VSIG10: variants seen among roughly 807,000 people sequenced by gnomAD.
VSIG10 encodes the protein V-set and immunoglobulin domain-containing protein 10.
A neutral mutation model predicts 58.7 loss-of-function variants in VSIG10; 48 were observed. The observed-to-expected ratio is 0.82, with a 90% CI of 0.65 to 1.04. VSIG10 has a LOEUF of 1.04. Ranked by LOEUF, VSIG10 falls within the 50% of genes least tolerant of loss-of-function variation. The pLI is 0.00. For synonymous variants in VSIG10, 260 were observed against 267.1 expected, an observed-to-expected ratio of 0.97 and a Z score of 0.26; for missense variants, 628 against 670.0, an observed-to-expected ratio of 0.94 and a Z score of 0.69.
intron 2 of VSIG10, among the ~76,000 whole-genome samples, chr12:118,087,250 T>G (rs962907142): frequency 6.6e-6 from 1 of 152,000 alleles, no homozygotes; most frequent in Non-Finnish European, 1.5e-5. Flanking sequence ...GGATGAGTGA[T>G]GAAATCACAC....
intron 3 of VSIG10, 89 bp downstream of exon 3, chr12:118,082,038 A>AAT: frequency 8.3e-6 from 10 of 1,197,692 alleles, no homozygotes; most frequent in South Asian, 1.8e-5. Context: ...AAAAAAAAAA[A>AAT]GACAAATGGG....
At chr12:118,068,705 G>T in intron 7 of VSIG10, 108 bp from the exon 8 acceptor site, 1 of 1,320,858 alleles carries the variant, frequency 7.6e-7, no homozygotes, top group Non-Finnish European at 1.0e-6. Context: ...TAGTAATATG[G>T]AAAATTACAG....
Position 118,071,434 on chromosome 12 carries a change from C to T in VSIG10, c.1255G>A (p.Val419Met). Reference sequence around the variant, plus strand: ...GCCAGTCCCAGCAGAAGGAGGCTCACAATGGTTCCCACAATCCCCCCGATA... The same window carrying T: ...GCCAGTCCCAGCAGAAGGAGGCTCATAATGGTTCCCACAATCCCCCCGATA... Reference protein sequence around the residue: ...LNIGGIVGTIVSLLLLGLAII... With the variant: ...LNIGGIVGTIMSLLLLGLAII... The change falls in exon 6 of 9, where the codon GTG (valine) becomes ATG (methionine). Residue 419 changes from valine to methionine, a missense_variant. Val to Met is a conservative substitution (Grantham distance 21, BLOSUM62 1). Transcript: ENST00000359236. 1 of 1,613,892 alleles carries T rather than the reference C, an allele frequency of 6.2e-7. No individual in the cohort carries two copies. The highest frequency in any genetic ancestry group is 1.6e-4 in the Middle Eastern group (1 of 6,062).
At chr12:118,074,487 T>C (rs1244934874) in intron 4 of VSIG10, among the ~76,000 whole-genome samples, 7 of 151,698 alleles carry the variant, frequency 4.6e-5, no homozygotes, top group African/African-American at 1.7e-4. Flanking sequence ...AACAATTTTT[T>C]TTTTTTTTTG....
chr12:118,085,893 A>C (rs1160683665), intron 2 of VSIG10, among the ~76,000 whole-genome samples: 2 of 150,488 alleles, frequency 1.3e-5, no homozygotes, highest in Non-Finnish European at 2.9e-5. Context: ...ATGATGGCTC[A>C]CGCCTGTAAT....
chr12:118,074,211 C>A (rs1282903038), intron 4 of VSIG10, among the ~76,000 whole-genome samples: 1 of 151,748 alleles, frequency 6.6e-6, no homozygotes, highest in African/African-American at 2.4e-5. Flanking sequence ...CTCAGCCTCC[C>A]GAGCTGGGAT....
chr12:118,073,666 C>CGG, intron 5 of VSIG10, 33 bp downstream of exon 5: 1 of 1,552,034 alleles, frequency 6.4e-7, no homozygotes, highest in Non-Finnish European at 8.8e-7. Context: ...AGCTCTGAAC[C>CGG]CTCCCTCCTT....
rs976081796 is a variant in VSIG10, at chr12:118,065,912, C to T, written c.*727G>A. On this transcript the variant is annotated 3_prime_UTR_variant, in exon 9 of 9. Transcript: ENST00000359236. The stretch of plus-strand genomic sequence containing the variant: ...GATGTAGCTTTCCAAGCTTTCAGAA[C>T]GAGACAATAATAAGTGAGCAGCTTC... 2.0e-5 allele frequency: 3 copies of T among 152,034 alleles called. No homozygotes were observed. The highest frequency in any genetic ancestry group is 7.3e-5 in the African/African-American group (3 of 41,360). The allele number at this position is 152,034 out of a possible 1,614,324, so 9.4% of individuals were successfully genotyped here. A position where few individuals can be genotyped will look rare whatever the true frequency, so the allele number is the denominator to read the frequency against.
chr12:118,094,181 G>A (rs1351785210), intron 2 of VSIG10, among the ~76,000 whole-genome samples: 1 of 148,660 alleles, frequency 6.7e-6, no homozygotes, highest in Admixed American at 6.7e-5. Flanking sequence ...CAATTATGGT[G>A]CACTGCAGCC....
rs1290197412 is a variant in VSIG10 at position 118,082,443 on chromosome 12, G to C, written c.362-14C>G. ...GATAGGGGCCGCCTGGGGATGACAG[G>C]GGGAATAGGATGGCATTAATTATGT... is the stretch of plus-strand genomic sequence containing the variant. On this transcript the variant is annotated splice_polypyrimidine_tract_variant and intron_variant, in intron 2 of 8. Coordinates refer to ENST00000359236, the MANE Select transcript of VSIG10 (RefSeq NM_019086.6). 3 of 1,601,640 alleles carry C rather than the reference G, an allele frequency of 1.9e-6. No individual in the cohort carries two copies. The South Asian group carries it at 3.3e-5, about 18-fold the overall frequency.
chr12:118,066,381 C>T lies in VSIG10; in HGVS notation c.*258G>A. ...AAGCCAGGATTCACAGCAGAAGTGG[C>T]ACCTCAGACACCAAAGCAGCTTTCC... On this transcript the variant is annotated 3_prime_UTR_variant, in exon 9 of 9. Transcript: ENST00000359236. The T allele has an allele frequency of 1.9e-6, 1 of 527,082 alleles. No individual in the cohort carries two copies. Among genetic ancestry groups the T allele is most frequent in the African/African-American group, 1.9e-5 (1 of 51,674 alleles). 32.7% of individuals were successfully genotyped at this position (527,082 alleles called of 1,614,324 possible).
chr12:118,071,100 A>G (rs2032472841), intron 6 of VSIG10, 33 bp from the exon 7 acceptor site: 2 of 1,582,726 alleles, frequency 1.3e-6, no homozygotes, highest in Non-Finnish European at 1.7e-6. Flanking sequence ...ATTAATATCC[A>G]GTAACATCCA....
At chr12:118,078,387 G>A (rs1285912086) in intron 4 of VSIG10, among the ~76,000 whole-genome samples, 2 of 152,058 alleles carry the variant, frequency 1.3e-5, no homozygotes, top group African/African-American at 4.8e-5. Flanking sequence ...TCAGACTCCT[G>A]ACCTCAAGTG....
rs1409205887 is a variant in VSIG10, at chr12:118,103,597, G to A, written c.75C>T (p.Ala25=). 2 of 1,521,598 alleles carry A rather than the reference G, an allele frequency of 1.3e-6. No homozygotes were observed. The highest frequency in any genetic ancestry group is 2.0e-5 in the Admixed American group (1 of 49,848). 94.3% of individuals were successfully genotyped at this position (1,521,598 alleles called of 1,614,324 possible). A position where few individuals can be genotyped will look rare whatever the true frequency, so the allele number is the denominator to read the frequency against. ...CTCCAGATCGCGGCCCCTTACCTAC[G>A]GCGACCCAGCCGGCCAGGAGCGCCC... ...CLGALLAGWV[A]VGLEAVVIGE... Residue 25 remains alanine, a synonymous_variant, in exon 1 of 9, where the codon GCC becomes GCT. Coordinates refer to ENST00000359236, the MANE Select transcript of VSIG10 (RefSeq NM_019086.6).
intron 8 of VSIG10, 124 bp downstream of exon 8, chr12:118,068,253 T>A: frequency 1.2e-6 from 1 of 813,872 alleles, no homozygotes. Flanking sequence ...CAGGCTAGTC[T>A]TGAACTTCTG....
At chr12:118,081,846 G>A (rs568206415) in intron 3 of VSIG10, among the ~76,000 whole-genome samples, 22 of 152,158 alleles carry the variant, frequency 1.4e-4, no homozygotes, top group African/African-American at 3.9e-4. Flanking sequence ...GAGAAACCCC[G>A]TCTCTACTAA....
intron 4 of VSIG10, among the ~76,000 whole-genome samples, chr12:118,077,110 C>T (rs78708372): frequency 0.14 from 21,017 of 152,092 alleles, 1,595 homozygotes; most frequent in African/African-American, 0.19. Context: ...AACATATCTA[C>T]TGGGGGGACA....
Position 118,086,190 on chromosome 12 carries a change from C to T in VSIG10, c.362-3761G>A, listed in dbSNP as rs1385254671. On this transcript the variant is annotated intron_variant, in intron 2 of 8. Transcript: ENST00000359236. Reference sequence around the variant, plus strand: ...AAAAAAGCACAAAGTCAGCTGGGCACGGTGGCTCACCTCTGTAATCCCAGC... The same window carrying T: ...AAAAAAGCACAAAGTCAGCTGGGCATGGTGGCTCACCTCTGTAATCCCAGC... Among the ~76,000 whole-genome samples the T allele has an allele frequency of 4.1e-5, 6 of 146,258 alleles. No individual in the cohort carries two copies. The South Asian group carries it at 8.8e-4, about 21-fold the overall frequency.
chr12:118,073,604 C>G, intron 5 of VSIG10, 95 bp downstream of exon 5: 1 of 1,419,136 alleles, frequency 7.0e-7, no homozygotes, highest in Non-Finnish European at 9.5e-7. Flanking sequence ...TGGCAGTGAC[C>G]CATGTGTAGG....
Sources: allele counts gnomAD v4.1 joint callset (sites outside exome capture counted in the v4.1 genomes callset), GRCh38; gene constraint gnomAD v4.1.1; transcripts MANE v1.5; gene names NCBI Gene and HGNC (gene_info 2026-07-23, HGNC 2026-07-21).